CNTNAP2: variants seen among roughly 807,000 people sequenced by gnomAD.
CNTNAP2 encodes the protein contactin associated protein 2.
A neutral mutation model predicts 155.2 loss-of-function variants in CNTNAP2; 98 were observed. The ratio of observed to expected loss-of-function variants is 0.63; its 90% confidence interval spans 0.54 to 0.75. The LOEUF (loss-of-function observed/expected upper bound fraction) is 0.75. CNTNAP2 is among the 30% of genes least tolerant of loss of function. CNTNAP2 has a pLI of 0.00. For synonymous variants in CNTNAP2, 651 were observed against 631.2 expected (o/e 1.03, Z -0.47); for missense variants, 1,727 against 1,688.1 (o/e 1.02, Z -0.40).
intron 1 of CNTNAP2, among the ~76,000 whole-genome samples, chr7:146,631,636 CT>C (rs1215535538): frequency 6.6e-6 from 1 of 152,088 alleles, no homozygotes; most frequent in Non-Finnish European, 1.5e-5. Context: ...TTGCAAAGAT[CT>C]TTCGTAAAGC....
chr7:147,151,794 T>A lies in CNTNAP2; in HGVS notation c.1348+19285T>A, dbSNP rs550153431. 3.3e-5 allele frequency among the ~76,000 whole-genome samples: 5 copies of A among 152,352 alleles called. No homozygotes were observed. The East Asian group carries it at 5.8e-4, about 18-fold the overall frequency. ...GGATAGTTCCTTTTAGGGATTTTTT[T>A]AATGTGTTACTCCAACATGTTTTCA... On this transcript the variant is annotated intron_variant, in intron 8 of 23. Coordinates refer to ENST00000361727, the MANE Select transcript of CNTNAP2 (RefSeq NM_014141.6).
intron 23 of CNTNAP2, among the ~76,000 whole-genome samples, chr7:148,414,196 C>A (rs944818751): frequency 1.3e-5 from 2 of 150,556 alleles, no homozygotes; most frequent in Non-Finnish European, 2.9e-5. Context: ...CACGCCTCAG[C>A]ATCTTGGCTA....
At chr7:146,875,736 T>G (rs1795407129) in intron 3 of CNTNAP2, among the ~76,000 whole-genome samples, 1 of 151,228 alleles carries the variant, frequency 6.6e-6, no homozygotes, top group South Asian at 2.1e-4. Context: ...TATGACCTAA[T>G]TCTAGCTTTA....
At chr7:147,255,879 A>G (rs529201163) in intron 8 of CNTNAP2, among the ~76,000 whole-genome samples, 20 of 152,084 alleles carry the variant, frequency 1.3e-4, no homozygotes, top group Admixed American at 3.9e-4. Context: ...CTAAGATTAC[A>G]GGTGCACACC....
At chr7:146,988,220 A>G (rs934392082) in intron 3 of CNTNAP2, among the ~76,000 whole-genome samples, 6 of 152,142 alleles carry the variant, frequency 3.9e-5, no homozygotes, top group Admixed American at 6.6e-5. Context: ...TAAAATGAAT[A>G]AAGTTTTAAT....
chr7:147,314,713 G>A (rs919353102), intron 9 of CNTNAP2, among the ~76,000 whole-genome samples: 3 of 151,014 alleles, frequency 2.0e-5, no homozygotes, highest in Admixed American at 2.0e-4. Flanking sequence ...ACAAAGAGAT[G>A]GACTCAAGGA....
At chr7:147,905,679 T>C (rs995224572) in intron 14 of CNTNAP2, among the ~76,000 whole-genome samples, 1 of 152,288 alleles carries the variant, frequency 6.6e-6, no homozygotes. Context: ...GGTCAGGAGT[T>C]CGAGACCAGC....
chr7:148,325,342 T>A (rs1797868246), intron 21 of CNTNAP2, among the ~76,000 whole-genome samples: 1 of 152,050 alleles, frequency 6.6e-6, no homozygotes, highest in Non-Finnish European at 1.5e-5. Flanking sequence ...GACCTTCAGA[T>A]GGAAAAGCAT....
At chr7:146,174,216 AAG>A (rs968259072) in intron 1 of CNTNAP2, among the ~76,000 whole-genome samples, 7 of 151,828 alleles carry the variant, frequency 4.6e-5, no homozygotes, top group African/African-American at 1.7e-4. Flanking sequence ...AAAAAAAGGA[AAG>A]AAAAAAAAGA....
chr7:146,518,550 C>T (rs1797573416), intron 1 of CNTNAP2, among the ~76,000 whole-genome samples: 1 of 151,760 alleles, frequency 6.6e-6, no homozygotes, highest in Admixed American at 6.6e-5. Flanking sequence ...TTGGCAGATG[C>T]TTATTTGGAG....
In CNTNAP2 at chr7:147,108,192, G is replaced by A; in HGVS notation, c.596G>A (p.Arg199Lys). ...NFDGHVVLPYRFRNKKMKTLK... is the reference protein window; with the variant it reads ...NFDGHVVLPYKFRNKKMKTLK... ...GATGGCCATGTTGTATTACCATATAGATTCAGAAACAAGAAGATGAAAACA... is the reference window on the plus strand; with the variant it reads ...GATGGCCATGTTGTATTACCATATAAATTCAGAAACAAGAAGATGAAAACA... Residue 199 changes from arginine to lysine, a missense_variant, in exon 5 of 24, where the codon AGA (arginine) becomes AAA (lysine). Transcript: ENST00000361727. 6.2e-7 allele frequency: 1 copy of A among 1,613,494 alleles called. No individual in the cohort carries two copies. Among genetic ancestry groups the A allele is most frequent in the Non-Finnish European group, 8.5e-7 (1 of 1,179,724 alleles).
At chr7:146,540,905 A>G (rs1797943258) in intron 1 of CNTNAP2, among the ~76,000 whole-genome samples, 1 of 152,000 alleles carries the variant, frequency 6.6e-6, no homozygotes, top group African/African-American at 2.4e-5. Flanking sequence ...TCCTCATTTG[A>G]CCTAAGGAGT....
At chr7:147,042,277 C>A (rs1216437543) in intron 3 of CNTNAP2, among the ~76,000 whole-genome samples, 1 of 152,158 alleles carries the variant, frequency 6.6e-6, no homozygotes, top group Non-Finnish European at 1.5e-5. Context: ...ATTTTTAAAA[C>A]ATGTAATTGT....
intron 1 of CNTNAP2, among the ~76,000 whole-genome samples, chr7:146,120,345 T>G (rs1254598112): frequency 6.6e-6 from 1 of 152,158 alleles, no homozygotes; most frequent in African/African-American, 2.4e-5. Flanking sequence ...TTAATGCAAC[T>G]AATAATTATT....
chr7:147,995,412 G>A (rs1024548427), intron 15 of CNTNAP2, among the ~76,000 whole-genome samples: 3 of 151,988 alleles, frequency 2.0e-5, no homozygotes, highest in African/African-American at 7.3e-5. Context: ...TTCCATAGAA[G>A]TATTAAGAAG....
chr7:148,207,990 G>A (rs938410856), intron 18 of CNTNAP2, among the ~76,000 whole-genome samples: 6 of 152,138 alleles, frequency 3.9e-5, no homozygotes, highest in Admixed American at 6.5e-5. Context: ...CAGAGAGGCT[G>A]AGGCAGGAGA....
chr7:147,402,130 C>T (rs1796926390), intron 10 of CNTNAP2, among the ~76,000 whole-genome samples: 2 of 152,172 alleles, frequency 1.3e-5, no homozygotes, highest in Admixed American at 1.3e-4. Context: ...ATCACTCCTC[C>T]TTTCCGTGTA....
At chr7:146,521,653 G>T (rs555836558) in intron 1 of CNTNAP2, among the ~76,000 whole-genome samples, 11 of 151,828 alleles carry the variant, frequency 7.2e-5, no homozygotes, top group Non-Finnish European at 1.5e-4. Context: ...CCAACTATCA[G>T]ACCTTTTTGA....
At chr7:148,104,180 T>C (rs1397373158) in intron 15 of CNTNAP2, among the ~76,000 whole-genome samples, 2 of 152,244 alleles carry the variant, frequency 1.3e-5, no homozygotes, top group South Asian at 2.1e-4. Flanking sequence ...ACATGTGGAC[T>C]CTGTTACTGT....
Sources: gnomAD v4.1 joint callset for allele counts (sites outside exome capture counted in the v4.1 genomes callset) on GRCh38, gnomAD v4.1.1 for gene constraint, MANE v1.5 for transcripts, NCBI Gene and HGNC (gene_info 2026-07-23, HGNC 2026-07-21) for gene names.